The following CPA6 variants were observed in gnomAD, a reference collection of about 807,000 sequenced individuals.
The protein encoded by CPA6 is carboxypeptidase A6, also known as carboxypeptidase B.
Under a neutral mutation model 63.3 loss-of-function variants are expected in CPA6, and 58 were observed. That is an observed-to-expected ratio of 0.92 (90% CI 0.74 to 1.14). The LOEUF (loss-of-function observed/expected upper bound fraction) is 1.14. Among genes scored for constraint, CPA6 ranks in the 50% most tolerant of loss-of-function variants. CPA6 has a pLI of 0.00. For missense variants in CPA6, 565 were observed against 526.6 expected (o/e 1.07, Z -0.71); for synonymous variants, 185 against 179.0 (o/e 1.03, Z -0.27).
At chr8:67,565,297 A>G (rs572224230) in intron 2 of CPA6, among the ~76,000 whole-genome samples, 37 of 152,290 alleles carry the variant, frequency 2.4e-4, no homozygotes, top group African/African-American at 8.4e-4. Context: ...TCAAAGGAGA[A>G]AGAAAAAGAG....
At position 67,638,970 on chromosome 8, in the gene CPA6, C is replaced by T. The variant is rs868522696; in HGVS notation, c.117-14719G>A. Among the ~76,000 whole-genome samples, 15 of 151,566 alleles carry T rather than the reference C, an allele frequency of 9.9e-5. No individual in the cohort carries two copies. The Middle Eastern group carries it at 0.017, about 172-fold the overall frequency. On this transcript the variant is annotated intron_variant, in intron 1 of 10. Coordinates refer to ENST00000297770, the MANE Select transcript of CPA6 (RefSeq NM_020361.5). ...ATTTCTGGAGGAATCTATCTTAAAA[C>T]CAGGTCTCAAAGTACTCCCATAAAG...
Position 67,745,994 on chromosome 8 carries a change from A to G in CPA6, c.116+20T>C. Reference sequence around the variant, plus strand: ...GATCCAAATCAAAGCTGTGTAGGGCATGAATGTCGCTCCACTTACCCAGCA... The same window carrying G: ...GATCCAAATCAAAGCTGTGTAGGGCGTGAATGTCGCTCCACTTACCCAGCA... On this transcript the variant is annotated intron_variant, in intron 1 of 10. Transcript: ENST00000297770. 1.3e-6 allele frequency: 2 copies of G among 1,581,324 alleles called. No individual in the cohort carries two copies. Among genetic ancestry groups the G allele is most frequent in the Non-Finnish European group, 1.7e-6 (2 of 1,151,828 alleles).
intron 8 of CPA6, among the ~76,000 whole-genome samples, chr8:67,469,339 C>T (rs1811004316): frequency 6.6e-6 from 1 of 152,186 alleles, no homozygotes; most frequent in East Asian, 1.9e-4. Context: ...GGCATGGTTG[C>T]TCACACCTGT....
In CPA6 at chr8:67,515,547, C is replaced by T. The variant is rs562074344; in HGVS notation, c.317+2376G>A. ...AGGAAGGTCAGCGTATTCTCTTATA[C>T]GCCGTGAATCTTCTCGCTTCCAGGG... On this transcript the variant is annotated intron_variant, in intron 3 of 10. Transcript: ENST00000297770. Among the ~76,000 whole-genome samples the T allele has an allele frequency of 7.9e-5, 12 of 152,336 alleles. No homozygotes were observed. In the South Asian group the frequency reaches 1.0e-3, roughly 13 times the overall value.
At chr8:67,480,253 A>G (rs1438995319) in intron 8 of CPA6, among the ~76,000 whole-genome samples, 1 of 152,134 alleles carries the variant, frequency 6.6e-6, no homozygotes, top group Non-Finnish European at 1.5e-5. Context: ...GTACAATTCA[A>G]TGGCTTTCAG....
At chr8:67,464,705 TCCAGTTTCATTCTTCTGCATATGGCTAG>T (rs1379515069) in intron 8 of CPA6, among the ~76,000 whole-genome samples, 2 of 152,164 alleles carry the variant, frequency 1.3e-5, no homozygotes, top group Admixed American at 1.3e-4. Context: ...CAGGTAGAGG[TCCAGTTTCATTCTTCTGCATATGGCTAG>T]CCAGCTATCT....
intron 2 of CPA6, among the ~76,000 whole-genome samples, chr8:67,609,397 C>T (rs1814745191): frequency 6.6e-6 from 1 of 152,074 alleles, no homozygotes; most frequent in Non-Finnish European, 1.5e-5. Flanking sequence ...ATATTCCTGA[C>T]CTGAAACTGA....
intron 1 of CPA6, among the ~76,000 whole-genome samples, chr8:67,633,999 A>G (rs1295818289): frequency 6.6e-6 from 1 of 151,728 alleles, no homozygotes; most frequent in Middle Eastern, 3.4e-3. Context: ...TGAAGTTCGT[A>G]TGTTGAAGTC....
chr8:67,716,959 A>G (rs576243560), intron 1 of CPA6, among the ~76,000 whole-genome samples: 2 of 152,320 alleles, frequency 1.3e-5, no homozygotes, highest in African/African-American at 4.8e-5. Context: ...AGGGTTTTAG[A>G]AATGAGGGAG....
At chr8:67,635,323 A>T (rs1232522434) in intron 1 of CPA6, among the ~76,000 whole-genome samples, 1 of 151,726 alleles carries the variant, frequency 6.6e-6, no homozygotes, top group Non-Finnish European at 1.5e-5. Flanking sequence ...TGCCCTTTGC[A>T]TGGATATTTG....
intron 2 of CPA6, among the ~76,000 whole-genome samples, chr8:67,596,628 T>C (rs1814344592): frequency 6.6e-6 from 1 of 152,132 alleles, no homozygotes; most frequent in Non-Finnish European, 1.5e-5. Context: ...TCAAGGATAG[T>C]ACAATCACAA....
chr8:67,686,165 C>T (rs530878751), intron 1 of CPA6, among the ~76,000 whole-genome samples: 3 of 152,324 alleles, frequency 2.0e-5, no homozygotes, highest in African/African-American at 7.2e-5. Context: ...GCAAAATTCT[C>T]TCATGTTCTG....
At chr8:67,617,751 A>G (rs1814990154) in intron 2 of CPA6, among the ~76,000 whole-genome samples, 1 of 152,200 alleles carries the variant, frequency 6.6e-6, no homozygotes. Flanking sequence ...GGCTGAAATT[A>G]AGGTGTCAGT....
rs1818007804 is a variant in CPA6, at chr8:67,746,184, G to T, written c.-55C>A. The T allele has an allele frequency of 2.9e-6, 4 of 1,362,794 alleles. No individual in the cohort carries two copies. The South Asian group carries it at 3.9e-5, about 13-fold the overall frequency. 84.4% of individuals were successfully genotyped at this position (1,362,794 alleles called of 1,614,324 possible). On this transcript the variant is annotated 5_prime_UTR_variant, in exon 1 of 11. Transcript: ENST00000297770. ...CTTAAGCAGCCACCCGAGGCTGGAG[G>T]TGGCTCACAGCACCCTCTACACACC... is the stretch of plus-strand genomic sequence containing the variant.
intron 1 of CPA6, among the ~76,000 whole-genome samples, chr8:67,641,077 C>T (rs894538332): frequency 2.0e-5 from 3 of 151,756 alleles, no homozygotes; most frequent in Non-Finnish European, 4.4e-5. Flanking sequence ...TGTGCAGCTG[C>T]TCCTGCTGCC....
intron 1 of CPA6, among the ~76,000 whole-genome samples, chr8:67,719,857 G>T (rs1817457801): frequency 6.6e-6 from 1 of 152,134 alleles, no homozygotes; most frequent in African/African-American, 2.4e-5. Context: ...AGGGAAGATT[G>T]TATGTGGAAT....
intron 1 of CPA6, among the ~76,000 whole-genome samples, chr8:67,672,606 G>T (rs1816373618): frequency 6.6e-6 from 1 of 152,136 alleles, no homozygotes; most frequent in Non-Finnish European, 1.5e-5. Context: ...TTGGGAGGAG[G>T]TTTCTCATAG....
At chr8:67,574,336 A>G (rs1813567778) in intron 2 of CPA6, among the ~76,000 whole-genome samples, 1 of 150,748 alleles carries the variant, frequency 6.6e-6, no homozygotes, top group East Asian at 2.0e-4. Context: ...AGATCATGCC[A>G]CTGCACTCCA....
intron 8 of CPA6, among the ~76,000 whole-genome samples, chr8:67,452,824 C>A (rs1810584336): frequency 6.6e-6 from 1 of 152,124 alleles, no homozygotes; most frequent in Non-Finnish European, 1.5e-5. Context: ...TTTGAGCAGA[C>A]TTGTAGAACT....
Sources: allele counts gnomAD v4.1 joint callset (sites outside exome capture counted in the v4.1 genomes callset), GRCh38; gene constraint gnomAD v4.1.1; transcripts MANE v1.5; gene names NCBI Gene and HGNC (gene_info 2026-07-23, HGNC 2026-07-21).